FAM135B: variants seen among roughly 807,000 people sequenced by gnomAD.
FAM135B encodes family with sequence similarity 135 member B.
In FAM135B, 43 loss-of-function variants were observed where a neutral mutation model predicts 127.7. The ratio of observed to expected loss-of-function variants is 0.34; its 90% CI spans 0.26 to 0.43. The LOEUF (loss-of-function observed/expected upper bound fraction) is 0.43, where lower values mean the gene tolerates loss of function less well. Among genes scored for constraint, FAM135B ranks in the 20% least tolerant of loss-of-function variants. The pLI, the probability that FAM135B is intolerant of heterozygous loss-of-function variation, is 1.00. For synonymous variants in FAM135B, 670 were observed against 665.1 expected (o/e 1.01, Z -0.11); for missense variants, 1,558 against 1,725.6 (o/e 0.90, Z 1.72).
intron 1 of FAM135B, among the ~76,000 whole-genome samples, chr8:138,429,228 C>T (rs1835068172): frequency 6.6e-6 from 1 of 152,136 alleles, no homozygotes; most frequent in Admixed American, 6.6e-5. Flanking sequence ...CCTCACTTCA[C>T]TGTAATTTAT....
chr8:138,310,787 C>G (rs2130891861), intron 3 of FAM135B, 54 bp downstream of exon 3: 3 of 1,529,950 alleles, frequency 2.0e-6, no homozygotes, highest in Non-Finnish European at 2.7e-6. Context: ...CGAGCAGTGA[C>G]AAAGGGAGGT....
chr8:138,411,313 C>T (rs1357885380), intron 1 of FAM135B, among the ~76,000 whole-genome samples: 1 of 152,000 alleles, frequency 6.6e-6, no homozygotes, highest in Non-Finnish European at 1.5e-5. Flanking sequence ...TGGAACAGAA[C>T]AGAGCCCTCA....
chr8:138,357,230 A>G (rs1434735741), intron 2 of FAM135B, among the ~76,000 whole-genome samples: 1 of 152,174 alleles, frequency 6.6e-6, no homozygotes, highest in Admixed American at 6.5e-5. Flanking sequence ...TCCCCCATTT[A>G]TAAAATGCTC....
chr8:138,178,631 C>T lies in FAM135B; in HGVS notation c.933G>A (p.Thr311=), dbSNP rs376834770. The change falls in exon 10 of 20, where the codon ACG becomes ACA. Residue 311 remains threonine, a synonymous_variant. Transcript: ENST00000395297. ...EQISKDLAWL[T]SHMMTLWTQF... ...GGGTCCACAGAGTCATCATGTGGGA[C>T]GTGAGCCAGGCCAGATCCTTGCTTA... The T allele has an allele frequency of 2.7e-5, 43 of 1,613,994 alleles. No individual in the cohort carries two copies. The highest frequency in any genetic ancestry group is 2.0e-4 in the East Asian group (9 of 44,848).
At position 138,243,210 on chromosome 8, in the gene FAM135B, A is replaced by G. The variant is rs867549480; in HGVS notation, c.543-142T>C. 1.9e-4 allele frequency: 177 copies of G among 943,970 alleles called. 1 individual carries two copies. Among genetic ancestry groups the G allele is most frequent in the South Asian group, 1.7e-3 (81 of 48,824 alleles). The allele number at this position is 943,970 out of a possible 1,614,324, so 58.5% of individuals were successfully genotyped here. A position where few individuals can be genotyped will look rare whatever the true frequency, so the allele number is the denominator to read the frequency against. On this transcript the variant is annotated intron_variant, in intron 6 of 19. Coordinates refer to ENST00000395297, the MANE Select transcript of FAM135B (RefSeq NM_015912.4). The surrounding 1 kb of genome is among the most constrained non-coding windows in gnomAD (Gnocchi z 7.5). ...AGTTCACCCCCTAGGGAGTGTTTGC[A>G]TGTGACATTTGTGGATATTTTGATG...
rs139143896 is a variant in FAM135B at position 138,464,944 on chromosome 8, A to G, written c.-20+31727T>C. On this transcript the variant is annotated intron_variant, in intron 1 of 19. Transcript: ENST00000395297. ...GCGAATGCAGAAGAATACATTCAGA[A>G]GTTGGGAAGAACTATCAGCGTTACT... 4.6e-4 allele frequency among the ~76,000 whole-genome samples: 70 copies of G among 152,344 alleles called. 1 individual carries two copies. Among genetic ancestry groups the G allele is most frequent in the African/African-American group, 1.5e-3 (62 of 41,580 alleles).
At chr8:138,153,293 A>G (rs1818361105) in intron 12 of FAM135B, 77 bp from the exon 13 acceptor site, 1 of 1,220,766 alleles carries the variant, frequency 8.2e-7, no homozygotes, top group Non-Finnish European at 1.1e-6. Context: ...GTCTAACTGT[A>G]TAATAAAGAA....
At chr8:138,197,490 G>T (rs772485404) in intron 8 of FAM135B, 26 bp downstream of exon 8, 1 of 1,605,692 alleles carries the variant, frequency 6.2e-7, no homozygotes, top group Non-Finnish European at 8.5e-7. Flanking sequence ...TGCTGGGATG[G>T]GCTTGCCCCT....
At chr8:138,433,106 A>T (rs1391666911) in intron 1 of FAM135B, among the ~76,000 whole-genome samples, 1 of 152,192 alleles carries the variant, frequency 6.6e-6, no homozygotes, top group Non-Finnish European at 1.5e-5. Flanking sequence ...TCATAATAAA[A>T]TTAGATCTGA....
At chr8:138,314,693 CAATA>C (rs1402271667) in intron 2 of FAM135B, among the ~76,000 whole-genome samples, 5 of 120,282 alleles carry the variant, frequency 4.2e-5, no homozygotes, top group South Asian at 3.0e-4. Flanking sequence ...CCCATCCCTA[CAATA>C]AATAAATAAA....
intron 4 of FAM135B, among the ~76,000 whole-genome samples, chr8:138,262,903 G>GAAAAAAAAAAA (rs71316332): frequency 1.0e-5 from 1 of 95,368 alleles, no homozygotes. Context: ...CTCTGTCTCA[G>GAAAAAAAAAAA]AAAAAAAAAA....
intron 3 of FAM135B, among the ~76,000 whole-genome samples, chr8:138,278,055 A>T (rs1219953568): frequency 2.0e-5 from 3 of 152,020 alleles, no homozygotes; most frequent in Non-Finnish European, 4.4e-5. Context: ...CCAGCAACGT[A>T]TAGAGGGCTG....
intron 7 of FAM135B, among the ~76,000 whole-genome samples, chr8:138,235,066 A>T (rs1172173156): frequency 1.3e-5 from 2 of 152,218 alleles, no homozygotes; most frequent in Non-Finnish European, 2.9e-5. Flanking sequence ...AAAAGAAATC[A>T]AAACTTTCCT....
rs73444351 is a variant in FAM135B, at chr8:138,492,218, T to C, written c.-20+4453A>G. ...ACGGTGGGAGGATGGAAAGAAAGCC[T>C]GAGTATCAACCATGACCCCTCCTTC... On this transcript the variant is annotated intron_variant, in intron 1 of 19. Coordinates refer to ENST00000395297, the MANE Select transcript of FAM135B (RefSeq NM_015912.4). Among the ~76,000 whole-genome samples, 1,138 of 152,180 alleles carry C rather than the reference T, an allele frequency of 7.5e-3. 19 individuals carry two copies. The highest frequency in any genetic ancestry group is 0.025 in the African/African-American group (1,040 of 41,514).
chr8:138,199,222 T>C (rs1484524361), intron 7 of FAM135B, among the ~76,000 whole-genome samples: 1 of 152,216 alleles, frequency 6.6e-6, no homozygotes, highest in Admixed American at 6.5e-5. Context: ...CGGGCACTAT[T>C]ATACCCTCTC....
At chr8:138,199,857 C>T (rs1816971431) in intron 7 of FAM135B, among the ~76,000 whole-genome samples, 1 of 152,308 alleles carries the variant, frequency 6.6e-6, no homozygotes, top group Middle Eastern at 3.4e-3. Flanking sequence ...CACCTCCTCC[C>T]TCGACATGTG....
chr8:138,469,657 T>A (rs1837570751), intron 1 of FAM135B, among the ~76,000 whole-genome samples: 1 of 152,232 alleles, frequency 6.6e-6, no homozygotes, highest in Admixed American at 6.5e-5. Flanking sequence ...TAACTGTATA[T>A]GTCTTGAGGC....
intron 3 of FAM135B, among the ~76,000 whole-genome samples, chr8:138,267,934 T>G (rs1823066612): frequency 6.6e-6 from 1 of 152,220 alleles, no homozygotes; most frequent in Admixed American, 6.5e-5. Flanking sequence ...CTTGCTACAC[T>G]AGCTCTTTCT....
chr8:138,470,911 G>T (rs1207411381), intron 1 of FAM135B, among the ~76,000 whole-genome samples: 2 of 152,196 alleles, frequency 1.3e-5, no homozygotes, highest in Non-Finnish European at 2.9e-5. Context: ...ATAAAGGAAA[G>T]TTCTAGCATT....
Sources: allele counts gnomAD v4.1 joint callset (sites outside exome capture counted in the v4.1 genomes callset), GRCh38; gene constraint gnomAD v4.1.1; non-coding constraint Gnocchi (gnomAD v3.1); transcripts MANE v1.5; gene names NCBI Gene and HGNC (gene_info 2026-07-23, HGNC 2026-07-21).